The following LPP variants were observed in gnomAD, a reference collection of about 807,000 sequenced individuals.
The protein encoded by LPP is LIM domain containing preferred translocation partner in lipoma, also known as lipoma-preferred partner.
In LPP, 38 loss-of-function variants were observed where a neutral mutation model predicts 60.4. The ratio of observed to expected loss-of-function variants is 0.63; its 90% CI spans 0.49 to 0.83. LPP has a LOEUF of 0.83. Among genes scored for constraint, LPP ranks in the 40% least tolerant of loss-of-function variants. The pLI, the probability that LPP is intolerant of heterozygous loss-of-function variation, is 0.00. For missense variants in LPP, 902 were observed against 783.6 expected (o/e 1.15, Z -1.80); for synonymous variants, 328 against 290.8 (o/e 1.13, Z -1.30).
At chr3:188,263,212 T>C (rs1164719687) in intron 2 of LPP, among the ~76,000 whole-genome samples, 2 of 152,154 alleles carry the variant, frequency 1.3e-5, no homozygotes, top group Admixed American at 6.6e-5. Flanking sequence ...TTACTGGATA[T>C]CCTGTTGGAC....
At chr3:188,445,569 G>A (rs757674288) in intron 4 of LPP, among the ~76,000 whole-genome samples, 4 of 151,736 alleles carry the variant, frequency 2.6e-5, no homozygotes, top group Admixed American at 6.6e-5. Flanking sequence ...GCAAACCACC[G>A]TGGCATATGT....
rs1268002703 is a variant in LPP, at chr3:188,407,780, G to GTTT, written c.193+1468_193+1470dup. Among the ~76,000 whole-genome samples the GTTT allele has an allele frequency of 8.0e-3, 755 of 94,794 alleles. 47 individuals carry two copies. The highest frequency in any genetic ancestry group is 9.6e-3 in the Non-Finnish European group (461 of 48,142). The allele number at this position is 94,794 out of a possible 152,430, so 62.2% of individuals were successfully genotyped here. ...TTCCTCATTTATGGTTTTTTTTTTTGTTTGTTTGTTTTTTTTTTTTTTTTT... is the reference window on the plus strand; with the variant it reads ...TTCCTCATTTATGGTTTTTTTTTTTGTTTTTTGTTTGTTTTTTTTTTTTTTTTT... On this transcript the variant is annotated intron_variant, in intron 4 of 11. Coordinates refer to ENST00000617246, the MANE Select transcript of LPP (RefSeq NM_001375462.1).
At chr3:188,167,433 G>T (rs1316536035) in intron 1 of LPP, among the ~76,000 whole-genome samples, 1 of 152,112 alleles carries the variant, frequency 6.6e-6, no homozygotes, top group South Asian at 2.1e-4. Context: ...AGGAGGCAGA[G>T]GTTGCAGTGA....
intron 2 of LPP, among the ~76,000 whole-genome samples, chr3:188,228,227 A>G (rs1203734431): frequency 6.6e-6 from 1 of 152,208 alleles, no homozygotes; most frequent in Non-Finnish European, 1.5e-5. Flanking sequence ...TCTGGGACAC[A>G]CGTGCTCATG....
chr3:188,760,116 G>T lies in LPP; in HGVS notation c.1244G>T (p.Arg415Leu). 1.9e-6 allele frequency: 3 copies of T among 1,610,428 alleles called. No homozygotes were observed. Among genetic ancestry groups the T allele is most frequent in the South Asian group, 1.1e-5 (1 of 90,818 alleles). The change falls in exon 9 of 12, where the codon CGC (arginine) becomes CTC (leucine). Residue 415 changes from arginine (R) to leucine (L), a missense_variant. Coordinates refer to ENST00000617246, the MANE Select transcript of LPP (RefSeq NM_001375462.1). ...TATCAAACCCTTTTTTTTCCAGGCC[G>T]CTGTGCTCGCTGTGGAGAAAACGTA... ...ENPPADEYFGRCARCGENVVG... is the reference protein window; with the variant it reads ...ENPPADEYFGLCARCGENVVG...
intron 9 of LPP, among the ~76,000 whole-genome samples, chr3:188,809,588 TCAGATGGATAGA>T (rs1750259656): frequency 6.6e-6 from 1 of 152,240 alleles, no homozygotes; most frequent in African/African-American, 2.4e-5. Context: ...TAGACGTTTG[TCAGATGGATAGA>T]TTGCAAAAAT....
chr3:188,850,026 A>G (rs1762362739), intron 9 of LPP, among the ~76,000 whole-genome samples: 2 of 152,252 alleles, frequency 1.3e-5, no homozygotes, highest in Non-Finnish European at 2.9e-5. Flanking sequence ...ACTTTTTAAA[A>G]GTTATGGATG....
chr3:188,813,832 T>C (rs1056964835), intron 9 of LPP, among the ~76,000 whole-genome samples: 4 of 152,100 alleles, frequency 2.6e-5, no homozygotes, highest in Admixed American at 2.0e-4. Context: ...CACTTCGGGA[T>C]GCCAAAGTGG....
intron 2 of LPP, among the ~76,000 whole-genome samples, chr3:188,252,851 G>T (rs902204899): frequency 3.9e-5 from 6 of 152,094 alleles, no homozygotes; most frequent in African/African-American, 1.2e-4. Context: ...AACTCACTGC[G>T]ATCTCCGCCT....
chr3:188,565,490 C>A (rs1320851691), intron 6 of LPP, among the ~76,000 whole-genome samples: 1 of 151,918 alleles, frequency 6.6e-6, no homozygotes, highest in Non-Finnish European at 1.5e-5. Flanking sequence ...TATCTGTAAA[C>A]CTGTAATTTA....
intron 8 of LPP, among the ~76,000 whole-genome samples, chr3:188,721,506 A>T (rs1191803208): frequency 6.6e-6 from 1 of 152,162 alleles, no homozygotes; most frequent in Non-Finnish European, 1.5e-5. Flanking sequence ...GTGAGCCGTG[A>T]TTGCACCACC....
chr3:188,396,206 G>A (rs1400098026), intron 3 of LPP, among the ~76,000 whole-genome samples: 3 of 152,074 alleles, frequency 2.0e-5, no homozygotes, highest in African/African-American at 7.2e-5. Context: ...TTCATCAATA[G>A]TAGACTCATA....
At chr3:188,480,755 A>C (rs546615074) in intron 4 of LPP, among the ~76,000 whole-genome samples, 1 of 152,276 alleles carries the variant, frequency 6.6e-6, no homozygotes, top group East Asian at 1.9e-4. Flanking sequence ...TAGGTCACAG[A>C]ATCTGGGAGG....
At chr3:188,654,317 G>A (rs554322399) in intron 7 of LPP, among the ~76,000 whole-genome samples, 1 of 152,292 alleles carries the variant, frequency 6.6e-6, no homozygotes, top group South Asian at 2.1e-4. Flanking sequence ...GTGACCTCAG[G>A]GAAAGGAGTG....
chr3:188,715,733 C>T (rs1713699313), intron 8 of LPP, among the ~76,000 whole-genome samples: 3 of 152,158 alleles, frequency 2.0e-5, no homozygotes, highest in Admixed American at 2.0e-4. Context: ...AAGTTTTATG[C>T]TTTCATTCAT....
At chr3:188,315,377 T>C (rs1231615623) in intron 2 of LPP, among the ~76,000 whole-genome samples, 1 of 152,116 alleles carries the variant, frequency 6.6e-6, no homozygotes, top group Non-Finnish European at 1.5e-5. Context: ...CACTTTGTAA[T>C]TCTTTATTTT....
At chr3:188,745,989 C>A (rs1042116244) in intron 8 of LPP, among the ~76,000 whole-genome samples, 5 of 152,148 alleles carry the variant, frequency 3.3e-5, no homozygotes, top group African/African-American at 1.2e-4. Flanking sequence ...TTACAACTAG[C>A]CTGCATGTTC....
intron 1 of LPP, among the ~76,000 whole-genome samples, chr3:188,174,380 T>C (rs1248286017): frequency 6.6e-6 from 1 of 152,230 alleles, no homozygotes; most frequent in Non-Finnish European, 1.5e-5. Flanking sequence ...ATGTGTTTTA[T>C]AAATTACAGA....
chr3:188,858,594 A>T (rs549779866), intron 9 of LPP, among the ~76,000 whole-genome samples: 2 of 152,324 alleles, frequency 1.3e-5, no homozygotes, highest in South Asian at 4.1e-4. Flanking sequence ...TTTTTAGCTC[A>T]TGGCAAAATT....
Sources: allele counts gnomAD v4.1 joint callset (sites outside exome capture counted in the v4.1 genomes callset), GRCh38; gene constraint gnomAD v4.1.1; transcripts MANE v1.5; gene names NCBI Gene and HGNC (gene_info 2026-07-23, HGNC 2026-07-21).